Variants in TCF20 observed in about 807,000 individuals in gnomAD.
The protein encoded by TCF20 is SPRE-binding protein.
A neutral mutation model predicts 148.6 loss-of-function variants in TCF20; 3 were observed. The observed-to-expected ratio is 0.02, with a 90% CI of 0.01 to 0.05. The LOEUF is 0.05. TCF20 is among the 10% of genes least tolerant of loss of function. The probability of loss-of-function intolerance (pLI) is 1.00; values close to 1 mark genes in which losing one functional copy is unlikely to be tolerated. For synonymous variants in TCF20, 1,049 were observed against 909.5 expected (o/e 1.15, Z -2.76); for missense variants, 2,350 against 2,429.3 (o/e 0.97, Z 0.69).
chr22:42,214,630 A>C lies in TCF20; in HGVS notation c.676T>G (p.Leu226Val). The C allele has an allele frequency of 6.2e-7, 1 of 1,614,130 alleles. No individual in the cohort carries two copies. The highest frequency in any genetic ancestry group is 8.5e-7 in the Non-Finnish European group (1 of 1,180,036). The change falls in exon 2 of 6, where the codon TTA (leucine) becomes GTA (valine). Residue 226 changes from leucine to valine, a missense_variant. Around this residue, in one of 7 missense-constraint regions of TCF20, gnomAD observed 1,641 missense variants for 1,662.6 expected, o/e 0.99. Transcript: ENST00000677622. ...TGTTGGCCAAACTGACCCACTCTTAACTGGTAACCAGCAGCAGAGGATGGC... is the reference window on the plus strand; with the variant it reads ...TGTTGGCCAAACTGACCCACTCTTACCTGGTAACCAGCAGCAGAGGATGGC... ...TLPSSAAGYQ[L>V]RVGQFGQHYQ...
chr22:42,209,118 ACT>A (rs1938593586), intron 2 of TCF20, among the ~76,000 whole-genome samples: 2 of 152,152 alleles, frequency 1.3e-5, no homozygotes, highest in Admixed American at 1.3e-4. Flanking sequence ...CACCTAGCCA[ACT>A]CTCAATTAAG....
chr22:42,168,186 A>G (rs1403048551), intron 5 of TCF20, among the ~76,000 whole-genome samples: 1 of 152,222 alleles, frequency 6.6e-6, no homozygotes, highest in African/African-American at 2.4e-5. Flanking sequence ...TTTCAAAGGA[A>G]AACACACCAT....
At chr22:42,162,052 C>T (rs1442907910) in intron 5 of TCF20, among the ~76,000 whole-genome samples, 1 of 128,762 alleles carries the variant, frequency 7.8e-6, no homozygotes, top group Non-Finnish European at 1.6e-5. Flanking sequence ...GTGCTCTTGG[C>T]TCACTGCAGC....
At chr22:42,202,642 C>G (rs927524772) in intron 2 of TCF20, among the ~76,000 whole-genome samples, 10 of 152,264 alleles carry the variant, frequency 6.6e-5, no homozygotes, top group Non-Finnish European at 1.5e-5. Flanking sequence ...CGAATCTGAT[C>G]TGCAGTAGCA....
At chr22:42,248,320 C>T (rs1196716836) in intron 1 of TCF20, among the ~76,000 whole-genome samples, 1 of 152,192 alleles carries the variant, frequency 6.6e-6, no homozygotes, top group Non-Finnish European at 1.5e-5. Context: ...GAGTTGCATG[C>T]CAGCCCTGGC....
chr22:42,252,055 A>C (rs144443492), intron 1 of TCF20, among the ~76,000 whole-genome samples: 108 of 151,300 alleles, frequency 7.1e-4, no homozygotes, highest in African/African-American at 2.5e-3. Flanking sequence ...AGATCACCTG[A>C]GGTCAGGAGT....
chr22:42,218,400 C>T (rs1357452027), intron 1 of TCF20, among the ~76,000 whole-genome samples: 1 of 152,172 alleles, frequency 6.6e-6, no homozygotes, highest in South Asian at 2.1e-4. Flanking sequence ...CACCCGCTCC[C>T]CATCATTCTT....
chr22:42,323,885 T>C (rs796438767), intron 1 of TCF20, among the ~76,000 whole-genome samples: 1,199 of 77,248 alleles, frequency 0.016, 23 homozygotes, highest in South Asian at 0.031. Context: ...GTGGTGGTGA[T>C]GGAGGTTATG....
chr22:42,336,175 G>A (rs541303415), intron 1 of TCF20, among the ~76,000 whole-genome samples: 63 of 152,274 alleles, frequency 4.1e-4, no homozygotes, highest in African/African-American at 1.4e-3. Flanking sequence ...CGCTCCAGCC[G>A]GGATCTGTTG....
At chr22:42,310,442 C>CGG (rs141378820) in intron 1 of TCF20, among the ~76,000 whole-genome samples, 12 of 116,886 alleles carry the variant, frequency 1.0e-4, no homozygotes, top group East Asian at 7.3e-4. Context: ...GGGGGTTGTG[C>CGG]GGGGGGGAGT....
At chr22:42,161,684 T>C (rs116702346) in intron 5 of TCF20, among the ~76,000 whole-genome samples, 135 of 152,316 alleles carry the variant, frequency 8.9e-4, no homozygotes, top group African/African-American at 3.2e-3. Flanking sequence ...CAGGCCCCAC[T>C]TGTGGGGCAG....
chr22:42,179,037 T>TAA lies in TCF20; in HGVS notation c.5749+570_5749+571dup, dbSNP rs60142024. On this transcript the variant is annotated intron_variant, in intron 3 of 5. Transcript: ENST00000677622. ...TCATACCCACTGGGCTGGCTACAAT[T>TAA]AAAAAAAAAAAAAAAAAGAAACACA... Among the ~76,000 whole-genome samples, 71 of 120,980 alleles carry TAA rather than the reference T, an allele frequency of 5.9e-4. 1 individual carries two copies. In the South Asian group the frequency reaches 0.011, roughly 18 times the overall value. 79.4% of individuals were successfully genotyped at this position (120,980 alleles called of 152,430 possible). A position where few individuals can be genotyped will look rare whatever the true frequency, so the allele number is the denominator to read the frequency against.
intron 1 of TCF20, among the ~76,000 whole-genome samples, chr22:42,240,791 A>T (rs1247264970): frequency 2.6e-5 from 4 of 152,178 alleles, no homozygotes; most frequent in Non-Finnish European, 5.9e-5. Context: ...AGTAGAAGTA[A>T]ATAAGCCCTC....
intron 1 of TCF20, among the ~76,000 whole-genome samples, chr22:42,281,561 A>G (rs1417435343): frequency 6.6e-6 from 1 of 151,924 alleles, no homozygotes; most frequent in East Asian, 1.9e-4. Flanking sequence ...CTGATGGTAC[A>G]CCCTCTCCTG....
chr22:42,214,225 G>T lies in TCF20; in HGVS notation c.1081C>A (p.His361Asn). 9.9e-6 allele frequency: 16 copies of T among 1,614,228 alleles called. No individual in the cohort carries two copies. The highest frequency in any genetic ancestry group is 1.3e-5 in the Non-Finnish European group (15 of 1,180,040). ...EVPVRSPMQF[H>N]QNFSPISNPS... Reference sequence around the variant, plus strand: ...TTAGAAATGGGGCTGAAGTTCTGGTGAAACTGCATGGGGGACCTCACAGGA... The same window carrying T: ...TTAGAAATGGGGCTGAAGTTCTGGTTAAACTGCATGGGGGACCTCACAGGA... Residue 361 changes from histidine (H) to asparagine (N), a missense_variant, in exon 2 of 6, where the codon CAC becomes AAC. His to Asn is a moderately conservative substitution (Grantham distance 68). Coordinates refer to ENST00000677622, the MANE Select transcript of TCF20 (RefSeq NM_001378418.1).
chr22:42,317,378 G>C lies in TCF20; in HGVS notation c.-37+26101C>G, dbSNP rs1166699542. Among the ~76,000 whole-genome samples the C allele has an allele frequency of 6.6e-6, 1 of 152,178 alleles. No homozygotes were observed. Among genetic ancestry groups the C allele is most frequent in the Non-Finnish European group, 1.5e-5 (1 of 68,036 alleles). ...CCCTAGAGTGCGTGTTTATGTGTGTGGTGGGGAAGGAGGGGCGGCGCTGGG... is the reference window on the plus strand; with the variant it reads ...CCCTAGAGTGCGTGTTTATGTGTGTCGTGGGGAAGGAGGGGCGGCGCTGGG... On this transcript the variant is annotated intron_variant, in intron 1 of 1. Transcript: ENST00000515426. This position sits in a 1 kb window ranked among gnomAD's most constrained non-coding sequence, Gnocchi z 4.2.
intron 2 of TCF20, among the ~76,000 whole-genome samples, chr22:42,196,936 T>G (rs1023011033): frequency 4.6e-5 from 7 of 152,338 alleles, no homozygotes; most frequent in Admixed American, 2.6e-4. Flanking sequence ...GTTCTTCAAT[T>G]CTATTTTCAT....
intron 1 of TCF20, among the ~76,000 whole-genome samples, chr22:42,219,585 G>A (rs554848211): frequency 2.0e-5 from 3 of 152,166 alleles, no homozygotes; most frequent in African/African-American, 7.2e-5. Flanking sequence ...GCTGGGCACA[G>A]TGGCTCACCC....
At chr22:42,324,281 G>A (rs1927828981) in intron 1 of TCF20, among the ~76,000 whole-genome samples, 1 of 150,420 alleles carries the variant, frequency 6.6e-6, no homozygotes, top group Admixed American at 6.7e-5. Flanking sequence ...AGGAAAGAGG[G>A]TGTGGGAGGG....
Sources: gnomAD v4.1 joint callset for allele counts (sites outside exome capture counted in the v4.1 genomes callset) on GRCh38, gnomAD v4.1.1 for gene constraint, gnomAD v4.1.1 regional missense constraint, Gnocchi (gnomAD v3.1) non-coding constraint, MANE v1.5 for transcripts, NCBI Gene and HGNC (gene_info 2026-07-23, HGNC 2026-07-21) for gene names.